CCDC171: variants seen among roughly 807,000 people sequenced by gnomAD.
CCDC171 encodes coiled-coil domain containing 171.
In CCDC171, 177 loss-of-function variants were observed where a neutral mutation model predicts 168.2. That is an observed-to-expected ratio of 1.05 (90% CI 0.93 to 1.19). The LOEUF is 1.19. Among genes scored for constraint, CCDC171 ranks in the 50% most tolerant of loss-of-function variants. The probability of loss-of-function intolerance (pLI) is 0.00; values close to 1 mark genes in which losing one functional copy is unlikely to be tolerated. For missense variants in CCDC171, 1,991 were observed against 1,539.0 expected (o/e 1.29, Z -4.91); for synonymous variants, 687 against 540.8 (o/e 1.27, Z -3.75).
At chr9:16,060,746 A>C (rs1453746976) in exon 2 of CCDC171, 1 of 152,280 alleles carries the variant, frequency 6.6e-6, no homozygotes, top group African/African-American at 2.4e-5. Context: ...AGGAGTTAGA[A>C]AAAAACATTT....
chr9:15,740,591 T>A (rs1222346468), intron 16 of CCDC171, among the ~76,000 whole-genome samples: 1 of 152,086 alleles, frequency 6.6e-6, no homozygotes, highest in Non-Finnish European at 1.5e-5. Context: ...TGTGCCATCA[T>A]GACTGGCTAA....
At chr9:15,997,495 A>G (rs574143375) in intron 3 of CCDC171, among the ~76,000 whole-genome samples, 2 of 152,222 alleles carry the variant, frequency 1.3e-5, no homozygotes, top group Admixed American at 1.3e-4. Context: ...GCCAGAGTCC[A>G]GATCCACTTC....
At chr9:15,983,511 T>TGAGAGAGA (rs139449191) in intron 3 of CCDC171, among the ~76,000 whole-genome samples, 52 of 137,378 alleles carry the variant, frequency 3.8e-4, no homozygotes, top group African/African-American at 1.3e-3. Context: ...TGTGTGTGTG[T>TGAGAGAGA]GAGAGAGAGA....
chr9:15,816,568 TAGG>T (rs34116060), intron 21 of CCDC171, among the ~76,000 whole-genome samples: 4,848 of 118,336 alleles, frequency 0.041, 1,535 homozygotes, highest in African/African-American at 0.15. Context: ...AGAGGCAAGT[TAGG>T]AGGCTAACAG....
intron 7 of CCDC171, among the ~76,000 whole-genome samples, chr9:15,638,751 CT>C (rs1056775169): frequency 1.3e-5 from 2 of 151,360 alleles, no homozygotes; most frequent in Admixed American, 6.6e-5. Flanking sequence ...TGGATCAATG[CT>C]TTCTTAGATT....
upstream of CCDC171, among the ~76,000 whole-genome samples, chr9:16,040,409 G>A (rs1323880521): frequency 1.3e-5 from 2 of 152,240 alleles, no homozygotes; most frequent in Admixed American, 1.3e-4. Flanking sequence ...CCTCAGAGTT[G>A]TCTCTGGGCT....
At chr9:15,955,666 A>G (rs1185940827) in intron 25 of CCDC171, among the ~76,000 whole-genome samples, 1 of 152,124 alleles carries the variant, frequency 6.6e-6, no homozygotes, top group Non-Finnish European at 1.5e-5. Flanking sequence ...GAATTCCAAA[A>G]TGCTTTCATC....
At chr9:16,022,028 A>T (rs2133023332) in intron 4 of CCDC171, among the ~76,000 whole-genome samples, 1 of 152,340 alleles carries the variant, frequency 6.6e-6, no homozygotes, top group East Asian at 1.9e-4. Context: ...CACTGCTACC[A>T]TATCTAGGAC....
chr9:15,848,603 A>T (rs577012713), intron 22 of CCDC171, among the ~76,000 whole-genome samples: 37 of 151,896 alleles, frequency 2.4e-4, no homozygotes, highest in African/African-American at 8.9e-4. Flanking sequence ...TTTGTTTTTC[A>T]CTTTTTTACC....
chr9:15,793,551 G>GTTTTTTTTTTTTTTTTTTTTTTTTTTTT (rs3082839), intron 21 of CCDC171, among the ~76,000 whole-genome samples: 1 of 77,056 alleles, frequency 1.3e-5, no homozygotes, highest in Non-Finnish European at 2.2e-5. Context: ...TTATTCCAAG[G>GTTTTTTTTTTTTTTTTTTTTTTTTTTTT]TTTTTTTTTT....
chr9:15,822,925 G>C (rs571514322), intron 21 of CCDC171, among the ~76,000 whole-genome samples: 1 of 152,060 alleles, frequency 6.6e-6, no homozygotes, highest in Non-Finnish European at 1.5e-5. Context: ...GCAAAGACTT[G>C]GAACCAACCC....
intron 25 of CCDC171, among the ~76,000 whole-genome samples, chr9:15,970,124 A>C (rs1270603152): frequency 6.6e-6 from 1 of 152,218 alleles, no homozygotes; most frequent in Non-Finnish European, 1.5e-5. Flanking sequence ...GCAGTAGAGT[A>C]TCAGGAAATC....
At chr9:15,556,558 A>G (rs2038816104) in intron 1 of CCDC171, among the ~76,000 whole-genome samples, 1 of 152,124 alleles carries the variant, frequency 6.6e-6, no homozygotes, top group Middle Eastern at 3.2e-3. Flanking sequence ...ATGTCTGTTC[A>G]TATCCTTTGC....
intron 16 of CCDC171, among the ~76,000 whole-genome samples, chr9:15,738,896 A>T (rs971130597): frequency 6.6e-6 from 1 of 152,128 alleles, no homozygotes; most frequent in African/African-American, 2.4e-5. Flanking sequence ...AGTGTCTATT[A>T]TGGGCAAAAC....
At chr9:16,011,093 A>C (rs1832856084) in intron 3 of CCDC171, among the ~76,000 whole-genome samples, 2 of 152,190 alleles carry the variant, frequency 1.3e-5, no homozygotes, top group African/African-American at 4.8e-5. Flanking sequence ...AAGCCTCTTT[A>C]ATGGCTCATG....
At position 15,820,515 on chromosome 9, in the gene CCDC171, G is replaced by A. The variant is rs1262444180; in HGVS notation, c.3268-26187G>A. On this transcript the variant is annotated intron_variant, in intron 21 of 25. Transcript: ENST00000380701. ...AAATGATAAAGGGGATATCACCACCGATCCCACAGAAATACAAACTACCAT... is the reference window on the plus strand; with the variant it reads ...AAATGATAAAGGGGATATCACCACCAATCCCACAGAAATACAAACTACCAT... 1.5e-4 allele frequency among the ~76,000 whole-genome samples: 17 copies of A among 116,842 alleles called. 4 individuals carry two copies. Among genetic ancestry groups the A allele is most frequent in the East Asian group, 8.6e-4 (4 of 4,676 alleles). 76.7% of individuals were successfully genotyped at this position (116,842 alleles called of 152,430 possible). A position where few individuals can be genotyped will look rare whatever the true frequency, so the allele number is the denominator to read the frequency against.
chr9:16,095,275 G>A, the CCDC171 span, among the ~76,000 whole-genome samples: 1 of 152,168 alleles, frequency 6.6e-6, no homozygotes, highest in Non-Finnish European at 1.5e-5. Context: ...ATCGCCTTCG[G>A]TGAGCATGGG....
chr9:15,590,479 C>T (rs553620374), intron 4 of CCDC171, among the ~76,000 whole-genome samples: 1 of 152,278 alleles, frequency 6.6e-6, no homozygotes, highest in South Asian at 2.1e-4. Flanking sequence ...GCATTTCCTT[C>T]TTTTCTAGGT....
intron 21 of CCDC171, among the ~76,000 whole-genome samples, chr9:15,814,092 T>G (rs2059465751): frequency 6.6e-6 from 1 of 152,184 alleles, no homozygotes; most frequent in South Asian, 2.1e-4. Context: ...AAGGGATAAT[T>G]TTGCTAGTCT....
Sources: allele counts gnomAD v4.1 joint callset (sites outside exome capture counted in the v4.1 genomes callset), GRCh38; gene constraint gnomAD v4.1.1; transcripts MANE v1.5; gene names NCBI Gene and HGNC (gene_info 2026-07-23, HGNC 2026-07-21).